Variants in PLB1 observed in about 807,000 individuals in gnomAD.
PLB1 encodes the protein phospholipase B1, membrane-associated.
PLB1 carries 242 observed loss-of-function variants against 227.4 expected under a neutral mutation model. The observed-to-expected ratio is 1.06, with a 90% CI of 0.96 to 1.18. The LOEUF is 1.18. PLB1 is among the 50% of genes most tolerant of loss of function. PLB1 has a pLI of 0.00. For missense variants in PLB1, 1,858 were observed against 1,816.3 expected, an observed-to-expected ratio of 1.02 and a Z score of -0.42; for synonymous variants, 757 against 682.2, an observed-to-expected ratio of 1.11 and a Z score of -1.71.
intron 1 of PLB1, among the ~76,000 whole-genome samples, chr2:28,510,061 G>C (rs1668061357): frequency 6.6e-6 from 1 of 152,136 alleles, no homozygotes; most frequent in Non-Finnish European, 1.5e-5. Flanking sequence ...GTAAAAACAT[G>C]AACTCCTGAG....
At chr2:28,538,282 G>T in intron 9 of PLB1, 37 bp from the exon 10 acceptor site, 1 of 1,613,952 alleles carries the variant, frequency 6.2e-7, no homozygotes, top group Non-Finnish European at 8.5e-7. Flanking sequence ...TGGTCCTCCT[G>T]CAGGCACCCT....
chr2:28,633,172 T>G, intron 56 of PLB1, 133 bp downstream of exon 56: 1 of 676,052 alleles, frequency 1.5e-6, no homozygotes, highest in Admixed American at 2.8e-5. Context: ...CACACCTTAT[T>G]GGTCCTGATA....
intron 1 of PLB1, among the ~76,000 whole-genome samples, chr2:28,514,988 A>G (rs918320967): frequency 1.3e-5 from 2 of 152,210 alleles, no homozygotes; most frequent in East Asian, 3.9e-4. Flanking sequence ...CCACCTTTAA[A>G]AGGCCATTTA....
At chr2:28,532,904 T>C (rs1056461778) in intron 9 of PLB1, among the ~76,000 whole-genome samples, 1 of 152,188 alleles carries the variant, frequency 6.6e-6, no homozygotes, top group African/African-American at 2.4e-5. Context: ...CTTAAGTCTT[T>C]ATTGAAGATC....
At chr2:28,514,565 AAATT>A (rs1375095146) in intron 1 of PLB1, among the ~76,000 whole-genome samples, 1 of 152,234 alleles carries the variant, frequency 6.6e-6, no homozygotes, top group Non-Finnish European at 1.5e-5. Flanking sequence ...CACTATAAAT[AAATT>A]TAATTTGTTT....
At chr2:28,619,749 G>C (rs1207400483) in intron 46 of PLB1, among the ~76,000 whole-genome samples, 1 of 152,090 alleles carries the variant, frequency 6.6e-6, no homozygotes, top group Admixed American at 6.5e-5. Context: ...GAAGATTTGT[G>C]TGGACTGGGA....
chr2:28,524,897 G>C (rs1270077043), intron 4 of PLB1, among the ~76,000 whole-genome samples: 1 of 146,716 alleles, frequency 6.8e-6, no homozygotes, highest in African/African-American at 2.6e-5. Context: ...GCCCAGGCTG[G>C]AGTGCAGTGG....
At chr2:28,584,588 A>C (rs1173688564) in intron 25 of PLB1, among the ~76,000 whole-genome samples, 1 of 152,212 alleles carries the variant, frequency 6.6e-6, no homozygotes, top group African/African-American at 2.4e-5. Flanking sequence ...TGCCAGGCCC[A>C]TTCACAGATC....
At chr2:28,564,217 GGA>G (rs1676498708) in intron 18 of PLB1, among the ~76,000 whole-genome samples, 1 of 152,208 alleles carries the variant, frequency 6.6e-6, no homozygotes, top group Non-Finnish European at 1.5e-5. Flanking sequence ...ACTCCAGGCT[GGA>G]CAACAGAGCA....
intron 17 of PLB1, among the ~76,000 whole-genome samples, chr2:28,562,797 C>G (rs993548192): frequency 4.6e-5 from 7 of 152,118 alleles, no homozygotes; most frequent in African/African-American, 1.4e-4. Context: ...CAGGATCCAC[C>G]TTTCAGCTTC....
chr2:28,603,018 C>A, intron 39 of PLB1, 97 bp downstream of exon 39: 1 of 1,082,916 alleles, frequency 9.2e-7, no homozygotes, highest in Non-Finnish European at 1.4e-6. Context: ...GTGACTTGGT[C>A]TATCCATGTG....
At chr2:28,630,494 A>G in intron 53 of PLB1, 92 bp from the exon 54 acceptor site, 2 of 1,058,580 alleles carry the variant, frequency 1.9e-6, no homozygotes, top group East Asian at 2.5e-5. Flanking sequence ...CCCCTGGGGT[A>G]GTGGCCTGCT....
intron 36 of PLB1, 65 bp from the exon 37 acceptor site, chr2:28,601,187 C>A: frequency 7.3e-7 from 1 of 1,364,104 alleles, no homozygotes; most frequent in Non-Finnish European, 1.0e-6. Flanking sequence ...GAATGGATTT[C>A]CTAGGGCAGG....
chr2:28,592,865 T>G, intron 32 of PLB1, 146 bp downstream of exon 32: 1 of 688,780 alleles, frequency 1.5e-6, no homozygotes, highest in East Asian at 2.9e-5. Flanking sequence ...ATGCCAGTTA[T>G]TTGATTTGCG....
chr2:28,620,557 G>A, intron 47 of PLB1, 43 bp from the exon 48 acceptor site: 1 of 1,579,688 alleles, frequency 6.3e-7, no homozygotes, highest in Admixed American at 1.8e-5. Flanking sequence ...ACAGGGAGCA[G>A]CATGTTGGTG....
intron 23 of PLB1, among the ~76,000 whole-genome samples, chr2:28,581,857 AG>A (rs1165580978): frequency 2.0e-5 from 3 of 151,926 alleles, no homozygotes; most frequent in African/African-American, 7.3e-5. Context: ...GTTACTTGGG[AG>A]GCTGAGGTGG....
chr2:28,600,149 A>G (rs1001054194), intron 35 of PLB1, among the ~76,000 whole-genome samples: 4 of 152,050 alleles, frequency 2.6e-5, no homozygotes, highest in Non-Finnish European at 4.4e-5. Context: ...GACTCAAGCA[A>G]TCCACCCACC....
chr2:28,529,379 AAG>A lies in PLB1; in HGVS notation c.393_394del (p.Arg131SerfsTer8). The A allele has an allele frequency of 6.2e-7, 1 of 1,609,234 alleles. No individual in the cohort carries two copies. Among genetic ancestry groups the A allele is most frequent in the East Asian group, 2.2e-5 (1 of 44,848 alleles). ...SVPMPVCHTG[K>X]RVIPHDGAED... is the part of the protein sequence containing the mutation. ...TCCAATGCCTGTGTGCCACACTGGA[AAG>A]AGAGTCATACCCCACGATGGTGCTG... On this transcript the variant is annotated frameshift_variant, in exon 7 of 58. Coordinates refer to ENST00000327757, the MANE Select transcript of PLB1 (RefSeq NM_153021.5). LOFTEE classifies it high-confidence loss of function.
At chr2:28,636,023 GTGTGTATGTGTGTGTGTGTATGTA>G (rs1290039371) in intron 56 of PLB1, among the ~76,000 whole-genome samples, 3 of 124,256 alleles carry the variant, frequency 2.4e-5, no homozygotes, top group African/African-American at 8.4e-5. Flanking sequence ...GTATGAATGT[GTGTGTATGTGTGTGTGTGTATGTA>G]TGTGTATGTG....
Sources: allele counts gnomAD v4.1 joint callset (sites outside exome capture counted in the v4.1 genomes callset), GRCh38; gene constraint gnomAD v4.1.1; transcripts MANE v1.5; gene names NCBI Gene and HGNC (gene_info 2026-07-23, HGNC 2026-07-21).